The following CSMD1 variants were observed in gnomAD, a reference collection of about 807,000 sequenced individuals.
CSMD1 encodes CUB and Sushi multiple domains 1.
In CSMD1, 213 loss-of-function variants were observed where a neutral mutation model predicts 417.5. The observed-to-expected ratio is 0.51, with a 90% CI of 0.46 to 0.57. CSMD1 has a LOEUF of 0.57. Among genes scored for constraint, CSMD1 ranks in the 20% least tolerant of loss-of-function variants. The pLI is 0.00. For missense variants in CSMD1, 6,923 were observed against 4,529.7 expected, an observed-to-expected ratio of 1.53 and a Z score of -15.17; for synonymous variants, 2,862 against 1,736.8, an observed-to-expected ratio of 1.65 and a Z score of -16.11.
intron 3 of CSMD1, among the ~76,000 whole-genome samples, chr8:4,120,744 A>G (rs1432907315): frequency 6.6e-6 from 1 of 152,234 alleles, no homozygotes; most frequent in African/African-American, 2.4e-5. Context: ...TCAGGCTCAG[A>G]ATGTGTCTTA....
chr8:4,201,136 C>T (rs1392140721), intron 3 of CSMD1, among the ~76,000 whole-genome samples: 1 of 152,102 alleles, frequency 6.6e-6, no homozygotes, highest in East Asian at 1.9e-4. Context: ...ATTACAGATA[C>T]CTTTGTAGAA....
chr8:4,583,916 G>A (rs1271454396), intron 2 of CSMD1, among the ~76,000 whole-genome samples: 1 of 152,018 alleles, frequency 6.6e-6, no homozygotes, highest in East Asian at 1.9e-4. Flanking sequence ...GGTCCACACT[G>A]CTTTTATGAG....
chr8:4,329,865 CACACACACAG>C (rs1305774439), intron 3 of CSMD1, among the ~76,000 whole-genome samples: 2 of 151,678 alleles, frequency 1.3e-5, no homozygotes, highest in Non-Finnish European at 2.9e-5. Context: ...CACACACACA[CACACACACAG>C]ACACACACAC....
At chr8:4,300,514 TCCTTTAC>T (rs1797925869) in intron 3 of CSMD1, among the ~76,000 whole-genome samples, 2 of 152,206 alleles carry the variant, frequency 1.3e-5, no homozygotes, top group Admixed American at 6.6e-5. Context: ...GAAGGAAATG[TCCTTTAC>T]AGACTTTTTT....
At chr8:3,358,870 T>G (rs1359123780) in intron 21 of CSMD1, among the ~76,000 whole-genome samples, 2 of 152,216 alleles carry the variant, frequency 1.3e-5, no homozygotes, top group Non-Finnish European at 2.9e-5. Flanking sequence ...CGTATATATA[T>G]ATTTTTTCCC....
chr8:4,396,590 G>T (rs939171701), intron 3 of CSMD1, among the ~76,000 whole-genome samples: 1 of 151,526 alleles, frequency 6.6e-6, no homozygotes, highest in African/African-American at 2.4e-5. Flanking sequence ...TGCCCATCAA[G>T]CAATGAGTGC....
intron 3 of CSMD1, among the ~76,000 whole-genome samples, chr8:4,340,339 GT>G (rs1800404393): frequency 6.6e-6 from 1 of 152,000 alleles, no homozygotes; most frequent in Non-Finnish European, 1.5e-5. Flanking sequence ...CTGGGATGAG[GT>G]TTGAGGGGCT....
chr8:3,835,397 G>C (rs1408935367), intron 5 of CSMD1, among the ~76,000 whole-genome samples: 1 of 152,070 alleles, frequency 6.6e-6, no homozygotes, highest in Non-Finnish European at 1.5e-5. Context: ...CATAAAAAAT[G>C]ATGAGTTCAT....
intron 3 of CSMD1, among the ~76,000 whole-genome samples, chr8:4,358,436 G>A (rs1441286863): frequency 1.3e-5 from 2 of 152,196 alleles, no homozygotes; most frequent in African/African-American, 4.8e-5. Context: ...AAATTTCAGT[G>A]TCCACACAGT....
chr8:4,272,142 C>G (rs557246713), intron 3 of CSMD1, among the ~76,000 whole-genome samples: 1 of 152,222 alleles, frequency 6.6e-6, no homozygotes, highest in African/African-American at 2.4e-5. Context: ...CACATGGAGT[C>G]TTACTAGATT....
intron 1 of CSMD1, among the ~76,000 whole-genome samples, chr8:4,814,801 G>C (rs1799113960): frequency 6.6e-6 from 1 of 152,020 alleles, no homozygotes; most frequent in Non-Finnish European, 1.5e-5. Flanking sequence ...ATTAATTTTA[G>C]CTTACTGTAA....
At chr8:3,989,260 T>G (rs936863324) in intron 5 of CSMD1, among the ~76,000 whole-genome samples, 1 of 152,224 alleles carries the variant, frequency 6.6e-6, no homozygotes, top group Non-Finnish European at 1.5e-5. Flanking sequence ...AAACCTGCTC[T>G]ACGTCATCAA....
intron 5 of CSMD1, among the ~76,000 whole-genome samples, chr8:3,972,620 C>T (rs979761667): frequency 9.2e-5 from 14 of 152,264 alleles, no homozygotes; most frequent in Admixed American, 3.3e-4. Context: ...ACTACTAAGC[C>T]ATTTGCTTAA....
At chr8:3,990,920 C>T (rs1272198012) in intron 5 of CSMD1, among the ~76,000 whole-genome samples, 1 of 152,176 alleles carries the variant, frequency 6.6e-6, no homozygotes, top group African/African-American at 2.4e-5. Context: ...ACCCTTCCTT[C>T]ACTGCCTGGT....
chr8:4,839,585 A>G (rs1399714936), intron 1 of CSMD1, among the ~76,000 whole-genome samples: 1 of 152,216 alleles, frequency 6.6e-6, no homozygotes, highest in Non-Finnish European at 1.5e-5. Context: ...CCAAGAGATG[A>G]AATAACATAG....
intron 5 of CSMD1, among the ~76,000 whole-genome samples, chr8:3,946,249 G>A (rs573472587): frequency 1.3e-5 from 2 of 152,180 alleles, no homozygotes; most frequent in South Asian, 4.1e-4. Context: ...TCTTGATATT[G>A]TAATTTCCAT....
intron 3 of CSMD1, among the ~76,000 whole-genome samples, chr8:4,257,803 T>G (rs1803570754): frequency 6.6e-6 from 1 of 152,210 alleles, no homozygotes; most frequent in African/African-American, 2.4e-5. Context: ...TAGCATTTAA[T>G]GTGCATGAGG....
intron 3 of CSMD1, among the ~76,000 whole-genome samples, chr8:4,116,775 A>C (rs1022888269): frequency 2.0e-5 from 3 of 151,966 alleles, no homozygotes; most frequent in African/African-American, 7.2e-5. Flanking sequence ...GAAACTCTAT[A>C]GTCTGTTCGG....
chr8:4,226,673 A>G (rs1801377062), intron 3 of CSMD1, among the ~76,000 whole-genome samples: 1 of 152,190 alleles, frequency 6.6e-6, no homozygotes, highest in Non-Finnish European at 1.5e-5. Flanking sequence ...AAATTAGTAA[A>G]TGTATTCCTT....
Sources: allele counts gnomAD v4.1 joint callset (sites outside exome capture counted in the v4.1 genomes callset), GRCh38; gene constraint gnomAD v4.1.1; transcripts MANE v1.5; gene names NCBI Gene and HGNC (gene_info 2026-07-23, HGNC 2026-07-21).